Variants in MME observed in about 807,000 individuals in gnomAD.
The protein encoded by MME is neprilysin.
Under a neutral mutation model 113.2 loss-of-function variants are expected in MME, and 98 were observed. The observed-to-expected ratio is 0.87, with a 90% CI of 0.74 to 1.02. MME has a LOEUF of 1.02. MME is among the 50% of genes least tolerant of loss of function. MME has a pLI of 0.00. For missense variants in MME, 836 were observed against 896.0 expected (o/e 0.93, Z 0.86); for synonymous variants, 292 against 300.6 (o/e 0.97, Z 0.30).
intron 1 of MME, among the ~76,000 whole-genome samples, chr3:155,052,450 C>T (rs1357658443): frequency 1.3e-5 from 2 of 152,242 alleles, no homozygotes; most frequent in Non-Finnish European, 2.9e-5. Context: ...CAGAGGTTCT[C>T]AAAGCTCAAT....
intron 3 of MME, among the ~76,000 whole-genome samples, chr3:155,103,130 T>A (rs1717403321): frequency 6.6e-6 from 1 of 152,242 alleles, no homozygotes; most frequent in African/African-American, 2.4e-5. Context: ...CCACTTGTTA[T>A]TAGTTGTTCA....
At chr3:155,178,928 C>A (rs185205454) in intron 22 of MME, among the ~76,000 whole-genome samples, 5 of 152,116 alleles carry the variant, frequency 3.3e-5, no homozygotes, top group African/African-American at 7.2e-5. Flanking sequence ...CTCAAGGATA[C>A]AAAGGCTGTA....
intron 8 of MME, among the ~76,000 whole-genome samples, chr3:155,121,375 G>C (rs1352578067): frequency 6.6e-6 from 1 of 151,210 alleles, no homozygotes; most frequent in East Asian, 1.9e-4. Flanking sequence ...GGGACAATTT[G>C]ACTTCCTCTT....
At chr3:155,127,562 T>C (rs1229583973) in intron 8 of MME, among the ~76,000 whole-genome samples, 1 of 152,200 alleles carries the variant, frequency 6.6e-6, no homozygotes, top group Admixed American at 6.5e-5. Context: ...TTGTTAAAAC[T>C]TGGTTGGCAG....
intron 1 of MME, among the ~76,000 whole-genome samples, chr3:155,045,357 C>T (rs943073705): frequency 1.3e-5 from 2 of 151,920 alleles, no homozygotes; most frequent in African/African-American, 4.8e-5. Flanking sequence ...TCCATGTTGG[C>T]CGGGATGGTC....
At chr3:155,043,489 C>T (rs562796541) in intron 1 of MME, among the ~76,000 whole-genome samples, 13 of 151,858 alleles carry the variant, frequency 8.6e-5, no homozygotes, top group Non-Finnish European at 1.8e-4. Context: ...TGCACCACCA[C>T]GCCCGGCCAA....
At chr3:155,129,217 C>T (rs997225739) in intron 8 of MME, among the ~76,000 whole-genome samples, 3 of 152,144 alleles carry the variant, frequency 2.0e-5, no homozygotes, top group African/African-American at 7.2e-5. Flanking sequence ...GTGGGGTCTA[C>T]CTTCTGCAGA....
At chr3:155,043,071 C>G (rs570251338) in intron 1 of MME, among the ~76,000 whole-genome samples, 4 of 147,490 alleles carry the variant, frequency 2.7e-5, no homozygotes, top group Non-Finnish European at 6.0e-5. Flanking sequence ...TGCTTAGAGT[C>G]TTTTTATGGT....
At chr3:155,074,473 C>G (rs1559900507) in intron 1 of MME, among the ~76,000 whole-genome samples, 2 of 151,800 alleles carry the variant, frequency 1.3e-5, no homozygotes, top group African/African-American at 4.8e-5. Flanking sequence ...ACTCTGTCAC[C>G]CAGGCTGGAG....
intron 3 of MME, among the ~76,000 whole-genome samples, chr3:155,106,559 T>C (rs958145862): frequency 1.3e-5 from 2 of 152,218 alleles, no homozygotes; most frequent in African/African-American, 4.8e-5. Context: ...AGTTTTCACA[T>C]TGCTGCCTTT....
At chr3:155,074,514 C>T (rs1158119837) in intron 1 of MME, among the ~76,000 whole-genome samples, 2 of 151,932 alleles carry the variant, frequency 1.3e-5, no homozygotes, top group African/African-American at 4.8e-5. Context: ...TCACTGCAAT[C>T]TCCGCTTCCC....
At chr3:155,033,279 A>G (rs1389989246) in intron 1 of MME, among the ~76,000 whole-genome samples, 1 of 152,210 alleles carries the variant, frequency 6.6e-6, no homozygotes, top group East Asian at 1.9e-4. Context: ...GTTCTATTTC[A>G]TAATAAACTG....
At chr3:155,133,060 A>ATATATAT (rs1278838107) in intron 8 of MME, among the ~76,000 whole-genome samples, 2 of 90,184 alleles carry the variant, frequency 2.2e-5, no homozygotes, top group Non-Finnish European at 4.8e-5. Context: ...AAAAAAAAAA[A>ATATATAT]AAATATATAT....
chr3:155,062,824 T>C (rs1455482335), intron 1 of MME, among the ~76,000 whole-genome samples: 1 of 151,610 alleles, frequency 6.6e-6, no homozygotes, highest in Non-Finnish European at 1.5e-5. Context: ...GATCACAAGG[T>C]CAGGAGTTCG....
Position 155,168,032 on chromosome 3 carries a change from T to C in MME, c.1781-460T>C, listed in dbSNP as rs113404357. ...TGTAGTTTGTGGTTGGCAAGGAAGC[T>C]GTAGGAGAAAAAGACTTTTTTTGTG... On this transcript the variant is annotated intron_variant, in intron 18 of 22. Coordinates refer to ENST00000360490, the MANE Select transcript of MME (RefSeq NM_007289.4). 3.2e-3 allele frequency among the ~76,000 whole-genome samples: 490 copies of C among 152,276 alleles called. 4 individuals are homozygous for C. The highest frequency in any genetic ancestry group is 9.3e-3 in the African/African-American group (387 of 41,578).
rs139233345 is a variant in MME, at chr3:155,137,738, G to C, written c.721-364G>C. 3.7e-3 allele frequency among the ~76,000 whole-genome samples: 568 copies of C among 152,024 alleles called. 1 individual carries two copies. The highest frequency in any genetic ancestry group is 6.1e-3 in the Non-Finnish European group (415 of 67,950). On this transcript the variant is annotated intron_variant, in intron 8 of 22. Coordinates refer to ENST00000360490, the MANE Select transcript of MME (RefSeq NM_007289.4). ...AGTAAAATAAAATAAAAAAAGAAATGTATTATTATTCAGCGAAAAAATTAG... is the reference window on the plus strand; with the variant it reads ...AGTAAAATAAAATAAAAAAAGAAATCTATTATTATTCAGCGAAAAAATTAG...
intron 1 of MME, among the ~76,000 whole-genome samples, chr3:155,027,224 T>C (rs918614223): frequency 1.3e-5 from 2 of 152,200 alleles, no homozygotes; most frequent in Non-Finnish European, 2.9e-5. Context: ...CTTGATATAT[T>C]GCCTGGATTC....
At chr3:155,031,847 C>T (rs984834072) in intron 1 of MME, among the ~76,000 whole-genome samples, 15 of 152,144 alleles carry the variant, frequency 9.9e-5, no homozygotes, top group Middle Eastern at 3.2e-3. Context: ...TTAGTAGAGA[C>T]GGGATTTTGC....
chr3:155,072,033 C>T (rs1305457009), intron 1 of MME, among the ~76,000 whole-genome samples: 5 of 151,996 alleles, frequency 3.3e-5, no homozygotes, highest in South Asian at 2.1e-4. Context: ...CGGTGGCGGG[C>T]GCCTGTAGTC....
Sources: gnomAD v4.1 joint callset for allele counts (sites outside exome capture counted in the v4.1 genomes callset) on GRCh38, gnomAD v4.1.1 for gene constraint, MANE v1.5 for transcripts, NCBI Gene and HGNC (gene_info 2026-07-23, HGNC 2026-07-21) for gene names.